PIBF1: variants seen among roughly 807,000 people sequenced by gnomAD.
PIBF1 encodes progesterone-induced-blocking factor 1.
PIBF1 carries 90 observed loss-of-function variants against 112.5 expected under a neutral mutation model. The observed-to-expected ratio is 0.80, with a 90% CI of 0.67 to 0.95. The LOEUF is 0.95. PIBF1 is among the 40% of genes least tolerant of loss of function. PIBF1 has a pLI of 0.00. For missense variants in PIBF1, 915 were observed against 852.3 expected, an observed-to-expected ratio of 1.07 and a Z score of -0.92; for synonymous variants, 301 against 288.6, an observed-to-expected ratio of 1.04 and a Z score of -0.44.
intron 12 of PIBF1, among the ~76,000 whole-genome samples, chr13:72,916,411 TA>T (rs1419501674): frequency 1.4e-5 from 2 of 145,654 alleles, no homozygotes; most frequent in Non-Finnish European, 1.5e-5. Flanking sequence ...TATATATATA[TA>T]TATTTTTTTA....
intron 16 of PIBF1, among the ~76,000 whole-genome samples, chr13:72,976,087 G>A (rs9318130): frequency 0.28 from 41,997 of 151,990 alleles, 6,875 homozygotes; most frequent in East Asian, 0.47. Context: ...AAGAAAATAC[G>A]TTTAAGCATG....
chr13:72,836,174 TA>T, intron 9 of PIBF1: 3 of 427,900 alleles, frequency 7.0e-6, no homozygotes, highest in Non-Finnish European at 1.4e-5. Context: ...TAGGCTCACC[TA>T]GTTAGTGATT....
chr13:72,829,216 T>C (rs901629518), intron 8 of PIBF1, among the ~76,000 whole-genome samples: 11 of 152,192 alleles, frequency 7.2e-5, no homozygotes, highest in African/African-American at 2.7e-4. Flanking sequence ...AATTTTCTCC[T>C]GTTCTGGAGT....
In PIBF1 at chr13:72,944,218, G is replaced by A. The variant is rs56408715; in HGVS notation, c.1833+12951G>A. Among the ~76,000 whole-genome samples, 436 of 152,028 alleles carry A rather than the reference G, an allele frequency of 2.9e-3. 1 individual carries two copies. Among genetic ancestry groups the A allele is most frequent in the Non-Finnish European group, 4.8e-3 (324 of 67,964 alleles). Reference sequence around the variant, plus strand: ...TCCCAGCACTTTGGGAGGCTGAGGCGGGGTGATCACCTGAGGTCAGGAGTT... The same window carrying A: ...TCCCAGCACTTTGGGAGGCTGAGGCAGGGTGATCACCTGAGGTCAGGAGTT... On this transcript the variant is annotated intron_variant, in intron 14 of 17. Transcript: ENST00000326291.
chr13:72,882,588 A>G (rs1353544621), intron 10 of PIBF1, among the ~76,000 whole-genome samples: 1 of 152,220 alleles, frequency 6.6e-6, no homozygotes, highest in Non-Finnish European at 1.5e-5. Flanking sequence ...ACAACTCAGT[A>G]GGAAAAAAAT....
chr13:72,945,965 T>G (rs781246471), intron 14 of PIBF1, among the ~76,000 whole-genome samples: 1 of 152,118 alleles, frequency 6.6e-6, no homozygotes, highest in Non-Finnish European at 1.5e-5. Flanking sequence ...AACTGGACTT[T>G]CCAGAACATG....
chr13:72,813,529 T>A (rs768522984), intron 5 of PIBF1, among the ~76,000 whole-genome samples: 1 of 152,210 alleles, frequency 6.6e-6, no homozygotes, highest in Non-Finnish European at 1.5e-5. Flanking sequence ...ATCTGAAGTC[T>A]TCTTTAGTCA....
At chr13:72,985,203 AAATCTCTGAAACTGTAT>A (rs2043246711) in intron 16 of PIBF1, among the ~76,000 whole-genome samples, 1 of 152,130 alleles carries the variant, frequency 6.6e-6, no homozygotes, top group Admixed American at 6.5e-5. Context: ...CAAAACTGTA[AAATCTCTGAAACTGTAT>A]AATCTCTGAA....
intron 10 of PIBF1, among the ~76,000 whole-genome samples, chr13:72,870,162 G>C (rs1391351159): frequency 6.6e-6 from 1 of 152,042 alleles, no homozygotes; most frequent in Non-Finnish European, 1.5e-5. Flanking sequence ...TAATTACCAT[G>C]ACTGCCTTTT....
At chr13:72,793,251 T>C (rs765638070) in intron 3 of PIBF1, among the ~76,000 whole-genome samples, 5 of 152,222 alleles carry the variant, frequency 3.3e-5, no homozygotes, top group African/African-American at 4.8e-5. Context: ...AATGTGAATG[T>C]TTAGTTCTAT....
In PIBF1 at chr13:72,782,187, C is replaced by T. The variant is rs974807017; in HGVS notation, c.-210C>T. On this transcript the variant is annotated 5_prime_UTR_variant, in exon 1 of 18. Transcript: ENST00000326291. ...GCTGGTTCTGTCCTCCTTGCGGGTG[C>T]GGAGATGGTTGTCTTGGTTACGGGT... The T allele has an allele frequency of 2.1e-5, 5 of 238,098 alleles. No individual in the cohort carries two copies. Among genetic ancestry groups the T allele is most frequent in the African/African-American group, 6.7e-5 (3 of 44,816 alleles). The allele number at this position is 238,098 out of a possible 1,614,324, so 14.7% of individuals were successfully genotyped here.
At chr13:72,896,645 CG>C (rs2040291363) in intron 11 of PIBF1, among the ~76,000 whole-genome samples, 1 of 151,792 alleles carries the variant, frequency 6.6e-6, no homozygotes, top group Non-Finnish European at 1.5e-5. Flanking sequence ...TTTAAAAATG[CG>C]AAATGTTCTG....
chr13:72,871,528 A>T (rs182918344), intron 10 of PIBF1, among the ~76,000 whole-genome samples: 3 of 151,794 alleles, frequency 2.0e-5, no homozygotes, highest in Admixed American at 2.0e-4. Flanking sequence ...CTGGTCTTGA[A>T]CTCCTGACCT....
chr13:72,958,086 C>G (rs750017282), intron 14 of PIBF1, among the ~76,000 whole-genome samples: 2 of 151,632 alleles, frequency 1.3e-5, no homozygotes, highest in African/African-American at 4.8e-5. Context: ...TGCCACCACA[C>G]TTCAGCCTGG....
chr13:72,787,101 A>G (rs2034639384), intron 2 of PIBF1, among the ~76,000 whole-genome samples: 2 of 152,190 alleles, frequency 1.3e-5, no homozygotes, highest in African/African-American at 4.8e-5. Context: ...TAATGTGTGT[A>G]TGTGTGTATA....
chr13:72,827,454 G>A (rs990455520), intron 7 of PIBF1, among the ~76,000 whole-genome samples: 6 of 151,994 alleles, frequency 3.9e-5, no homozygotes, highest in Admixed American at 2.0e-4. Context: ...TCACCATGTT[G>A]GCCAGGCTGG....
intron 13 of PIBF1, among the ~76,000 whole-genome samples, chr13:72,921,248 G>A (rs1046868433): frequency 6.6e-6 from 1 of 151,984 alleles, no homozygotes. Flanking sequence ...GACTACAGGT[G>A]CATGCCACCA....
chr13:72,995,764 A>T (rs2043633886), intron 16 of PIBF1, among the ~76,000 whole-genome samples: 1 of 152,088 alleles, frequency 6.6e-6, no homozygotes, highest in Admixed American at 6.5e-5. Context: ...AGCCTGGCCA[A>T]GATGGTGAAA....
intron 14 of PIBF1, among the ~76,000 whole-genome samples, chr13:72,952,952 A>G (rs1431978841): frequency 1.3e-5 from 2 of 152,000 alleles, no homozygotes; most frequent in Non-Finnish European, 2.9e-5. Context: ...TGAGGCCAGT[A>G]GGAGGTGCCC....
Sources: gnomAD v4.1 joint callset for allele counts (sites outside exome capture counted in the v4.1 genomes callset) on GRCh38, gnomAD v4.1.1 for gene constraint, MANE v1.5 for transcripts, NCBI Gene and HGNC (gene_info 2026-07-23, HGNC 2026-07-21) for gene names.